TKTL1: variants seen among roughly 807,000 people sequenced by gnomAD.
TKTL1 encodes transketolase-like protein 1.
A neutral mutation model predicts 39.3 loss-of-function variants in TKTL1; 1 was observed. That is an observed-to-expected ratio of 0.03 (90% CI 0.01 to 0.12). TKTL1 has a LOEUF of 0.12. Among genes scored for constraint, TKTL1 ranks in the 10% least tolerant of loss-of-function variants. The pLI, the probability that TKTL1 is intolerant of heterozygous loss-of-function variation, is 1.00. For synonymous variants in TKTL1, 262 were observed against 193.8 expected, an observed-to-expected ratio of 1.35 and a Z score of -2.92; for missense variants, 575 against 509.6, an observed-to-expected ratio of 1.13 and a Z score of -1.24.
chrX:154,300,236 G>A (rs962337532), intron 1 of TKTL1, among the ~76,000 whole-genome samples: 3 of 111,806 alleles, frequency 2.7e-5, no homozygotes, highest in Non-Finnish European at 5.7e-5. Flanking sequence ...GGCTGATCTC[G>A]GTCTCTTGAC....
chrX:154,311,288 C>T, intron 5 of TKTL1, 50 bp downstream of exon 5: 1 of 1,204,831 alleles, frequency 8.3e-7, no homozygotes, highest in Non-Finnish European at 1.1e-6. Context: ...CATCTGTCCG[C>T]TCAGCAGCAG....
rs144243782 is a variant in TKTL1 at position 154,328,979 on chromosome X, A to C, written c.1619-537A>C. On this transcript the variant is annotated intron_variant, in intron 12 of 12. Coordinates refer to ENST00000369915, the MANE Select transcript of TKTL1 (RefSeq NM_012253.4). ...CGCAGGCTGTGTTCCTGCCTAAGGG[A>C]TGCCTGCTAGAGACTTGGCACCTCA... is the stretch of plus-strand genomic sequence containing the variant. Among the ~76,000 whole-genome samples the C allele has an allele frequency of 2.8e-3, 319 of 112,414 alleles. 2 individuals are homozygous for C. The highest frequency in any genetic ancestry group is 9.9e-3 in the African/African-American group (307 of 30,988).
At chrX:154,304,404 G>A (rs1400571468) in intron 1 of TKTL1, among the ~76,000 whole-genome samples, 2 of 110,654 alleles carry the variant, frequency 1.8e-5, no homozygotes, top group Admixed American at 9.5e-5. Context: ...ACAATTGCAC[G>A]TGCAAAAGCC....
intron 1 of TKTL1, among the ~76,000 whole-genome samples, chrX:154,299,814 C>A (rs1282124208): frequency 9.0e-6 from 1 of 111,706 alleles, no homozygotes; most frequent in East Asian, 2.8e-4. Flanking sequence ...TGTATATACA[C>A]CACCTTCTTT....
chrX:154,328,399 A>C (rs1320726403), intron 12 of TKTL1, among the ~76,000 whole-genome samples: 5 of 106,721 alleles, frequency 4.7e-5, no homozygotes, highest in Non-Finnish European at 9.7e-5. Context: ...TACAAAAATT[A>C]GCTGGGTGTG....
At chrX:154,304,600 C>T (rs1009335517) in intron 1 of TKTL1, among the ~76,000 whole-genome samples, 15 of 108,316 alleles carry the variant, frequency 1.4e-4, no homozygotes, top group Non-Finnish European at 2.7e-4. Context: ...CATCCCTTCG[C>T]GGGTCCCCAT....
At chrX:154,299,781 T>C (rs1418112271) in intron 1 of TKTL1, among the ~76,000 whole-genome samples, 2 of 112,058 alleles carry the variant, frequency 1.8e-5, no homozygotes, top group Admixed American at 9.5e-5. Context: ...CATTGTTTTT[T>C]ATGGCTGAGC....
At position 154,312,002 on chromosome X, in the gene TKTL1, A is replaced by G. The variant is rs897702481; in HGVS notation, c.671-578A>G. ...CACCCATCATCTCTCCCAAAGTTCC[A>G]GCTGGCCTCCCTCCACACCAGTCTC... On this transcript the variant is annotated intron_variant, in intron 5 of 12. Coordinates refer to ENST00000369915, the MANE Select transcript of TKTL1 (RefSeq NM_012253.4). Among the ~76,000 whole-genome samples the G allele has an allele frequency of 9.1e-5, 10 of 110,297 alleles. 1 individual carries two copies. Among genetic ancestry groups the G allele is most frequent in the Middle Eastern group, 9.3e-3 (2 of 214 alleles).
Position 154,295,837 on chromosome X carries a change from C to T in TKTL1, c.-23C>T, listed in dbSNP as rs1473223108. 7 of 1,203,585 alleles carry T rather than the reference C, an allele frequency of 5.8e-6. No homozygotes were observed. The highest frequency in any genetic ancestry group is 2.2e-5 in the Admixed American group (1 of 44,909). On this transcript the variant is annotated 5_prime_UTR_variant, in exon 1 of 13. Transcript: ENST00000369915. ...CGCCGGAGACGTAGGAGTGGGTCTT[C>T]AGACTCCAAAGGGGTTGGACTAATG...
chrX:154,307,554 C>T (rs1445492659), intron 2 of TKTL1, among the ~76,000 whole-genome samples: 2 of 112,722 alleles, frequency 1.8e-5, no homozygotes, highest in African/African-American at 3.2e-5. Flanking sequence ...TCTGCCATAA[C>T]GGGCATCATA....
Position 154,295,940 on chromosome X carries a change from G to A in TKTL1, c.81G>A (p.Met27Ile), listed in dbSNP as rs1557164276. The A allele has an allele frequency of 8.3e-7, 1 of 1,211,868 alleles. No homozygotes were observed. The highest frequency in any genetic ancestry group is 3.0e-5 in the East Asian group (1 of 33,823). The change falls in exon 1 of 13, where the codon ATG becomes ATA. Residue 27 changes from methionine to isoleucine, a missense_variant. Transcript: ENST00000369915. Reference sequence around the variant, plus strand: ...GCACCTTGCAGGTGTTGCAAGATATGGCCAGCCGCTTGCGAATCCATTCCA... The same window carrying A: ...GCACCTTGCAGGTGTTGCAAGATATAGCCAGCCGCTTGCGAATCCATTCCA... ...DRGTLQVLQD[M>I]ASRLRIHSIR...
Position 154,309,419 on chromosome X carries a change from T to C in TKTL1, c.327T>C (p.Thr109=), listed in dbSNP as rs1301526985. The C allele has an allele frequency of 8.3e-7, 1 of 1,209,942 alleles. No homozygotes were observed. Among genetic ancestry groups the C allele is most frequent in the Non-Finnish European group, 1.1e-6 (1 of 894,330 alleles). Reference sequence around the variant, plus strand: ...GAGTTGCATGTGGAATGGCATATACTGGCAAGTACTTCGACAGGGCCAGGT... The same window carrying C: ...GAGTTGCATGTGGAATGGCATATACCGGCAAGTACTTCGACAGGGCCAGGT... ...GLGVACGMAY[T]GKYFDRASYR... The change falls in exon 3 of 13, where the codon ACT becomes ACC. Residue 109 remains threonine (T), a synonymous_variant. Coordinates refer to ENST00000369915, the MANE Select transcript of TKTL1 (RefSeq NM_012253.4).
At chrX:154,319,181 A>G (rs782693158) in intron 7 of TKTL1, among the ~76,000 whole-genome samples, 1 of 112,218 alleles carries the variant, frequency 8.9e-6, no homozygotes, top group East Asian at 2.8e-4. Context: ...GAGGAATGTC[A>G]CTCAGTTCTT....
chrX:154,314,791 C>G (rs1205888703), intron 6 of TKTL1, among the ~76,000 whole-genome samples: 1 of 111,164 alleles, frequency 9.0e-6, no homozygotes, highest in Non-Finnish European at 1.9e-5. Context: ...TCCCAAAATG[C>G]TGGGATTACA....
chrX:154,321,967 C>T (rs781835082), intron 8 of TKTL1, among the ~76,000 whole-genome samples: 68 of 110,039 alleles, frequency 6.2e-4, no homozygotes, highest in African/African-American at 2.1e-3. Context: ...TTGAAATAGT[C>T]ACATGGAGAA....
intron 2 of TKTL1, among the ~76,000 whole-genome samples, chrX:154,308,225 G>A (rs1016874423): frequency 2.7e-5 from 3 of 111,995 alleles, no homozygotes; most frequent in Non-Finnish European, 3.8e-5. Flanking sequence ...CAGTGCTGAC[G>A]CTTGAGCAGG....
intron 2 of TKTL1, 39 bp from the exon 3 acceptor site, chrX:154,309,306 G>C (rs782249132): frequency 1.8e-6 from 2 of 1,115,492 alleles, no homozygotes; most frequent in East Asian, 3.0e-5. Flanking sequence ...ACCATGTCCT[G>C]CAGCTGCGTC....
intron 7 of TKTL1, among the ~76,000 whole-genome samples, chrX:154,319,654 G>A (rs1025970335): frequency 5.5e-5 from 6 of 109,602 alleles, no homozygotes; most frequent in Admixed American, 9.7e-5. Flanking sequence ...CAGGAGAATC[G>A]CTTGAACCCA....
At chrX:154,303,601 GC>G (rs1283316220) in intron 1 of TKTL1, among the ~76,000 whole-genome samples, 12 of 103,095 alleles carry the variant, frequency 1.2e-4, no homozygotes, top group African/African-American at 3.6e-4. Flanking sequence ...CCTGCGTTTG[GC>G]CCCCTTCCAT....
Sources: allele counts gnomAD v4.1 joint callset (sites outside exome capture counted in the v4.1 genomes callset), GRCh38; gene constraint gnomAD v4.1.1; transcripts MANE v1.5; gene names NCBI Gene and HGNC (gene_info 2026-07-23, HGNC 2026-07-21).